Variants in GALNT13 observed in about 807,000 individuals in gnomAD.
The protein encoded by GALNT13 is UDP-GalNAc:polypeptide N-acetylgalactosaminyltransferase 13.
GALNT13 carries 28 observed loss-of-function variants against 64.2 expected under a neutral mutation model. That is an observed-to-expected ratio of 0.44 (90% confidence interval 0.32 to 0.60). The LOEUF is 0.60. GALNT13 is among the 20% of genes least tolerant of loss of function. The probability of loss-of-function intolerance (pLI) is 0.05; values close to 1 mark genes in which losing one functional copy is unlikely to be tolerated. For missense variants in GALNT13, 577 were observed against 669.8 expected, an observed-to-expected ratio of 0.86 and a Z score of 1.53; for synonymous variants, 214 against 224.6, an observed-to-expected ratio of 0.95 and a Z score of 0.42.
At chr2:153,399,840 T>G in the GALNT13 span, among the ~76,000 whole-genome samples, 2 of 151,886 alleles carry the variant, frequency 1.3e-5, no homozygotes, top group African/African-American at 4.8e-5. Context: ...ACAATGGGGT[T>G]TTCTAGATAT....
rs1204110249 is a variant in GALNT13 at position 154,438,686 on chromosome 2, A to G, written c.1490A>G (p.His497Arg). The change falls in exon 12 of 13, where the codon CAC (histidine) becomes CGC (arginine). Residue 497 changes from histidine (H) to arginine (R), a missense_variant. This residue lies in a region of GALNT13 where 232 missense variants were observed against 270.6 expected (regional missense o/e 0.86). Transcript: ENST00000392825. ...LNGPVIMLKC[H>R]HMRGNQLWEY... is the part of the protein sequence containing the mutation. ...GGACCTGTAATCATGTTAAAATGCC[A>G]CCATATGAGAGGAAATCAGTTATGG... 3.7e-6 allele frequency: 6 copies of G among 1,611,478 alleles called. No individual in the cohort carries two copies. The highest frequency in any genetic ancestry group is 1.7e-5 in the Admixed American group (1 of 59,992).
chr2:153,988,069 TATATACAC>T (rs1354581527), intron 3 of GALNT13, among the ~76,000 whole-genome samples: 1 of 143,414 alleles, frequency 7.0e-6, no homozygotes, highest in African/African-American at 2.5e-5. Context: ...TATATATATA[TATATACAC>T]ACACACACAC....
chr2:153,380,131 A>G, the GALNT13 span, among the ~76,000 whole-genome samples: 2 of 152,144 alleles, frequency 1.3e-5, no homozygotes, highest in Non-Finnish European at 2.9e-5. Flanking sequence ...CATGGCCTCC[A>G]CATACATAGA....
At chr2:153,441,388 T>G in the GALNT13 span, among the ~76,000 whole-genome samples, 2 of 152,208 alleles carry the variant, frequency 1.3e-5, no homozygotes, top group Non-Finnish European at 2.9e-5. Flanking sequence ...GCCTGATGCC[T>G]CCAGCTTTGT....
chr2:153,363,665 C>T, the GALNT13 span, among the ~76,000 whole-genome samples: 1 of 152,134 alleles, frequency 6.6e-6, no homozygotes, highest in Non-Finnish European at 1.5e-5. Context: ...GACATATACA[C>T]CATCCCAAGA....
the GALNT13 span, among the ~76,000 whole-genome samples, chr2:153,574,061 TG>T: frequency 1.3e-5 from 2 of 152,004 alleles, no homozygotes; most frequent in African/African-American, 2.4e-5. Flanking sequence ...TTTGTTTGTC[TG>T]GGAAAGTTTT....
chr2:154,110,374 G>GAC (rs1702909632), intron 3 of GALNT13, among the ~76,000 whole-genome samples: 3 of 95,466 alleles, frequency 3.1e-5, no homozygotes, highest in Admixed American at 1.0e-4. Context: ...GAGAGAGAGA[G>GAC]AGACAGAGAG....
In GALNT13 at chr2:154,379,464, T is replaced by C. The variant is rs150458169; in HGVS notation, c.1157-16527T>C. Among the ~76,000 whole-genome samples the C allele has an allele frequency of 3.9e-4, 59 of 152,152 alleles. 1 individual carries two copies. The East Asian group carries it at 0.01, about 27-fold the overall frequency. On this transcript the variant is annotated intron_variant, in intron 9 of 12. Coordinates refer to ENST00000392825, the MANE Select transcript of GALNT13 (RefSeq NM_052917.4). ...TGCTTAAGTGCAAATAATTTTAAAG[T>C]AATTAATTTTTGGTCTATTAACATT...
intron 6 of GALNT13, among the ~76,000 whole-genome samples, chr2:154,243,202 T>A (rs1296885971): frequency 6.6e-6 from 1 of 152,204 alleles, no homozygotes; most frequent in East Asian, 1.9e-4. Context: ...TAAAGCACAT[T>A]TTCAAAGCAC....
At chr2:153,246,178 A>G in the GALNT13 span, among the ~76,000 whole-genome samples, 4 of 152,190 alleles carry the variant, frequency 2.6e-5, no homozygotes, top group Non-Finnish European at 2.9e-5. Context: ...ATGGATTGGT[A>G]TGCCTGAAAA....
At chr2:154,182,998 T>TG (rs1481531031) in intron 4 of GALNT13, among the ~76,000 whole-genome samples, 4 of 152,176 alleles carry the variant, frequency 2.6e-5, no homozygotes, top group African/African-American at 7.2e-5. Context: ...TCTTTTCCTG[T>TG]AGTATCATTG....
the GALNT13 span, among the ~76,000 whole-genome samples, chr2:153,528,083 T>G: frequency 6.6e-6 from 1 of 151,790 alleles, no homozygotes; most frequent in African/African-American, 2.4e-5. Context: ...TTATCAATAA[T>G]AATATTGAAT....
At chr2:153,096,680 A>G in the GALNT13 span, among the ~76,000 whole-genome samples, 1 of 151,174 alleles carries the variant, frequency 6.6e-6, no homozygotes, top group Non-Finnish European at 1.5e-5. Context: ...AAGTATAGTG[A>G]CTCCTGTTCT....
chr2:154,214,933 A>G (rs1687965556), intron 4 of GALNT13, among the ~76,000 whole-genome samples: 1 of 152,190 alleles, frequency 6.6e-6, no homozygotes, highest in Non-Finnish European at 1.5e-5. Flanking sequence ...GATGACATGA[A>G]TAAGATGATC....
the GALNT13 span, among the ~76,000 whole-genome samples, chr2:153,608,832 T>C: frequency 2.0e-5 from 3 of 147,368 alleles, no homozygotes; most frequent in Non-Finnish European, 3.0e-5. Context: ...AAAGAATAAA[T>C]ATATATTAAA....
the GALNT13 span, among the ~76,000 whole-genome samples, chr2:153,185,271 G>A: frequency 3.9e-5 from 6 of 152,130 alleles, no homozygotes; most frequent in African/African-American, 1.4e-4. Context: ...AGTATTCTCT[G>A]ATGGTTGTAT....
chr2:153,800,265 T>C, the GALNT13 span, among the ~76,000 whole-genome samples: 2 of 152,022 alleles, frequency 1.3e-5, no homozygotes, highest in African/African-American at 4.8e-5. Flanking sequence ...GTGTGCAGTA[T>C]TATTATGTCT....
At chr2:153,526,444 A>G in the GALNT13 span, among the ~76,000 whole-genome samples, 1 of 152,232 alleles carries the variant, frequency 6.6e-6, no homozygotes, top group Non-Finnish European at 1.5e-5. Flanking sequence ...ATCTTGTCCA[A>G]GACCATCAAG....
intron 3 of GALNT13, among the ~76,000 whole-genome samples, chr2:153,983,240 T>C (rs1283332995): frequency 2.0e-5 from 3 of 151,888 alleles, no homozygotes; most frequent in African/African-American, 4.8e-5. Context: ...TAGGCTGAGA[T>C]AGAATTTTCA....
Sources: gnomAD v4.1 joint callset for allele counts (sites outside exome capture counted in the v4.1 genomes callset) on GRCh38, gnomAD v4.1.1 for gene constraint, gnomAD v4.1.1 regional missense constraint, MANE v1.5 for transcripts, NCBI Gene and HGNC (gene_info 2026-07-23, HGNC 2026-07-21) for gene names.